SLC16A2: variants seen among roughly 807,000 people sequenced by gnomAD.
SLC16A2 encodes monocarboxylate transporter 8.
Under a neutral mutation model 27.2 loss-of-function variants are expected in SLC16A2, and 3 were observed. The ratio of observed to expected loss-of-function variants is 0.11; its 90% confidence interval spans 0.05 to 0.28. SLC16A2 has a LOEUF of 0.28. Among genes scored for constraint, SLC16A2 ranks in the 10% least tolerant of loss-of-function variants. The pLI, the probability that SLC16A2 is intolerant of heterozygous loss-of-function variation, is 1.00. For missense variants in SLC16A2, 295 were observed against 458.5 expected, an observed-to-expected ratio of 0.64 and a Z score of 3.26; for synonymous variants, 202 against 187.8, an observed-to-expected ratio of 1.08 and a Z score of -0.62.
chrX:74,525,571 C>T (rs1419324645), intron 3 of SLC16A2, among the ~76,000 whole-genome samples, 179 bp from the exon 4 acceptor site: 1 of 111,783 alleles, frequency 8.9e-6, no homozygotes, highest in Non-Finnish European at 1.9e-5. Context: ...AGTCCAGAAT[C>T]CAGACAGCCA....
At chrX:74,522,020 A>T (rs1173220797) in intron 2 of SLC16A2, among the ~76,000 whole-genome samples, 7 of 111,720 alleles carry the variant, frequency 6.3e-5, no homozygotes. Context: ...TTCCTAAAGA[A>T]CTCTGTTGAC....
chrX:74,529,104 C>T (rs1235675187), intron 4 of SLC16A2, 109 bp from the exon 5 acceptor site: 1 of 548,821 alleles, frequency 1.8e-6, no homozygotes, highest in Non-Finnish European at 3.0e-6. Flanking sequence ...TTCCCCCTCC[C>T]ACCACCCCAT....
chrX:74,444,489 AT>A (rs1410710391), intron 1 of SLC16A2, among the ~76,000 whole-genome samples: 1 of 111,805 alleles, frequency 8.9e-6, no homozygotes, highest in Non-Finnish European at 1.9e-5. Context: ...GCCACAAGGA[AT>A]CCGAAAGCTT....
At chrX:74,473,992 A>G in intron 1 of SLC16A2, 1 of 258,957 alleles carries the variant, frequency 3.9e-6, no homozygotes, top group South Asian at 1.2e-4. Context: ...ACGCTTCCTC[A>G]GCAGTGTCCA....
chrX:74,495,213 G>GA (rs1249303143), intron 1 of SLC16A2, among the ~76,000 whole-genome samples: 17 of 111,734 alleles, frequency 1.5e-4, no homozygotes, highest in Admixed American at 2.8e-4. Flanking sequence ...TGTGGCAGGG[G>GA]AGGGTGCACT....
chrX:74,422,223 G>A (rs1199369313), intron 1 of SLC16A2, among the ~76,000 whole-genome samples, 156 bp downstream of exon 1: 1 of 111,619 alleles, frequency 9.0e-6, no homozygotes, highest in Admixed American at 9.4e-5. Context: ...CCTTTCCATG[G>A]CTCTCCTAGG....
chrX:74,492,867 C>A (rs946252786), intron 1 of SLC16A2, among the ~76,000 whole-genome samples: 2 of 111,555 alleles, frequency 1.8e-5, no homozygotes, highest in African/African-American at 6.5e-5. Context: ...GCTCCTGTTG[C>A]TTAGTAACAG....
intron 1 of SLC16A2, among the ~76,000 whole-genome samples, chrX:74,434,517 C>T (rs912202559): frequency 5.4e-5 from 6 of 110,546 alleles, no homozygotes; most frequent in African/African-American, 2.0e-4. Flanking sequence ...ATACTGAGGA[C>T]ATTTGGGGAA....
chrX:74,427,811 G>A (rs868723664), intron 1 of SLC16A2, among the ~76,000 whole-genome samples: 5 of 101,718 alleles, frequency 4.9e-5, no homozygotes, highest in Non-Finnish European at 1.0e-4. Flanking sequence ...GCACGCGCGC[G>A]CACACACACA....
At chrX:74,482,589 C>T (rs1200556849) in intron 1 of SLC16A2, among the ~76,000 whole-genome samples, 1 of 111,982 alleles carries the variant, frequency 8.9e-6, no homozygotes, top group Non-Finnish European at 1.9e-5. Flanking sequence ...TTGATCTCTT[C>T]TATGAATTTT....
rs183931507 is a variant in SLC16A2 at position 74,497,866 on chromosome X, A to C, written c.431-23124A>C. 5.4e-3 allele frequency among the ~76,000 whole-genome samples: 561 copies of C among 103,825 alleles called. 4 individuals carry two copies. The highest frequency in any genetic ancestry group is 0.019 in the African/African-American group (533 of 28,515). The allele number at this position is 103,825 out of a possible 115,157, so 90.2% of individuals were successfully genotyped here. A position where few individuals can be genotyped will look rare whatever the true frequency, so the allele number is the denominator to read the frequency against. Reference sequence around the variant, plus strand: ...TGGGGGTGGGGGGGATGACACTGGAAGGAAGGGGGAACGAATGAGAAAATG... The same window carrying C: ...TGGGGGTGGGGGGGATGACACTGGACGGAAGGGGGAACGAATGAGAAAATG... On this transcript the variant is annotated intron_variant, in intron 1 of 5. Transcript: ENST00000587091.
At chrX:74,438,949 A>G (rs1289465101) in intron 1 of SLC16A2, among the ~76,000 whole-genome samples, 1 of 111,763 alleles carries the variant, frequency 8.9e-6, no homozygotes, top group Non-Finnish European at 1.9e-5. Context: ...ATTTATAGCC[A>G]TGTTTGCAAA....
At chrX:74,477,056 C>T (rs1929497266) in intron 1 of SLC16A2, 1 of 112,040 alleles carries the variant, frequency 8.9e-6, no homozygotes, top group Non-Finnish European at 1.9e-5. Flanking sequence ...AGGAATGGTA[C>T]CAGCTCCTCC....
intron 1 of SLC16A2, among the ~76,000 whole-genome samples, chrX:74,429,718 G>A (rs1341956088): frequency 1.8e-5 from 2 of 112,199 alleles, no homozygotes; most frequent in East Asian, 5.6e-4. Flanking sequence ...GTACAGCAGG[G>A]TGTGTGATGT....
intron 2 of SLC16A2, 148 bp from the exon 3 acceptor site, chrX:74,524,211 G>C: frequency 1.8e-6 from 1 of 561,823 alleles, no homozygotes. Context: ...GGATCAGAAG[G>C]CCCTCTTCTT....
chrX:74,527,593 G>A lies in SLC16A2; in HGVS notation c.1171-1620G>A, dbSNP rs1930503396. ...GTCTGCTGGAAAGGAAATAGCGACA[G>A]GCTGCAGGACAGCCTCACTTTGTGC... is the stretch of plus-strand genomic sequence containing the variant. On this transcript the variant is annotated intron_variant, in intron 4 of 5. Coordinates refer to ENST00000587091, the MANE Select transcript of SLC16A2 (RefSeq NM_006517.5). Among the ~76,000 whole-genome samples the A allele has an allele frequency of 4.4e-5, 5 of 112,389 alleles. No individual in the cohort carries two copies. The South Asian group carries it at 1.9e-3, about 42-fold the overall frequency.
At chrX:74,493,232 T>G (rs1929865887) in intron 1 of SLC16A2, among the ~76,000 whole-genome samples, 1 of 112,188 alleles carries the variant, frequency 8.9e-6, no homozygotes, top group Admixed American at 9.4e-5. Context: ...GAGTAGGGTG[T>G]GCCACACAGG....
At chrX:74,478,254 T>C (rs981981641) in intron 1 of SLC16A2, among the ~76,000 whole-genome samples, 20 of 111,770 alleles carry the variant, frequency 1.8e-4, no homozygotes, top group African/African-American at 6.2e-4. Context: ...GCCTTCTTTG[T>C]CTCTTTTGAT....
At chrX:74,468,712 G>T (rs1929297843) in intron 1 of SLC16A2, among the ~76,000 whole-genome samples, 1 of 111,780 alleles carries the variant, frequency 8.9e-6, no homozygotes, top group African/African-American at 3.2e-5. Flanking sequence ...CATAATAGTT[G>T]CACTATTTAT....
Sources: allele counts gnomAD v4.1 joint callset (sites outside exome capture counted in the v4.1 genomes callset), GRCh38; gene constraint gnomAD v4.1.1; transcripts MANE v1.5; gene names NCBI Gene and HGNC (gene_info 2026-07-23, HGNC 2026-07-21).